Variants in NID1 observed in about 807,000 individuals in gnomAD.
The protein encoded by NID1 is nidogen 1.
A neutral mutation model predicts 130.6 loss-of-function variants in NID1; 76 were observed. The observed-to-expected ratio is 0.58, with a 90% confidence interval of 0.48 to 0.70. The LOEUF is 0.70. NID1 is among the 30% of genes least tolerant of loss of function. The probability of loss-of-function intolerance (pLI) is 0.00; values close to 1 mark genes in which losing one functional copy is unlikely to be tolerated. For missense variants in NID1, 1,517 were observed against 1,664.8 expected, an observed-to-expected ratio of 0.91 and a Z score of 1.54; for synonymous variants, 665 against 675.1, an observed-to-expected ratio of 0.98 and a Z score of 0.23.
intron 15 of NID1, among the ~76,000 whole-genome samples, chr1:235,982,450 C>T (rs987896791): frequency 2.0e-5 from 3 of 152,008 alleles, no homozygotes; most frequent in Admixed American, 6.6e-5. Context: ...CATTAGCTAT[C>T]GGGGATAAAG....
Position 236,042,181 on chromosome 1 carries a change from C to T in NID1, c.864G>A (p.Glu288=), listed in dbSNP as rs1296608118. ...CATAATCTTCATCCTCATCATCATACTCTGCCCCATCTTCAGTTCCGAGGA... is the reference window on the plus strand; with the variant it reads ...CATAATCTTCATCCTCATCATCATATTCTGCCCCATCTTCAGTTCCGAGGA... ...DVILGTEDGA[E]YDDEDEDYDL... The change falls in exon 4 of 20, where the codon GAG becomes GAA. Residue 288 remains glutamate, a synonymous_variant. Transcript: ENST00000264187. The T allele has an allele frequency of 1.9e-6, 3 of 1,614,064 alleles. No individual in the cohort carries two copies. Among genetic ancestry groups the T allele is most frequent in the East Asian group, 4.5e-5 (2 of 44,890 alleles).
intron 13 of NID1, 24 bp downstream of exon 13, chr1:235,993,621 C>T: frequency 6.7e-7 from 1 of 1,498,938 alleles, no homozygotes; most frequent in Non-Finnish European, 8.9e-7. Context: ...GGCACACGCC[C>T]AAGCACGGCC....
At chr1:235,981,529 G>A (rs140639506) in intron 16 of NID1, 82 bp downstream of exon 16, 1 of 1,433,616 alleles carries the variant, frequency 7.0e-7, no homozygotes, top group African/African-American at 1.4e-5. Context: ...ACCAATGCTG[G>A]AGTTAAAGCC....
intron 12 of NID1, among the ~76,000 whole-genome samples, chr1:235,999,332 T>G (rs1658013575): frequency 6.6e-6 from 1 of 152,190 alleles, no homozygotes; most frequent in Non-Finnish European, 1.5e-5. Context: ...AGTGGAACTT[T>G]GAAGTACTGT....
chr1:236,004,403 A>T (rs954177968), intron 12 of NID1, among the ~76,000 whole-genome samples: 1 of 152,170 alleles, frequency 6.6e-6, no homozygotes, highest in Non-Finnish European at 1.5e-5. Flanking sequence ...GCTAACAGGC[A>T]CTCTAGAAGG....
chr1:236,024,761 G>C (rs1381393691), intron 8 of NID1, among the ~76,000 whole-genome samples: 1 of 152,170 alleles, frequency 6.6e-6, no homozygotes, highest in African/African-American at 2.4e-5. Context: ...GAGGCTTAAA[G>C]ATATGGACAA....
rs139305196 is a variant in NID1, at chr1:235,993,825, C to T, written c.2575G>A (p.Ala859Thr). ...CGCTGTGGGTCTGTCGCCCCCGCTG[C>T]CCCGAGAATGTGTTCTCGCTCGTGC... ...CQHEREHILG[A>T]AGATDPQRPI... Residue 859 changes from alanine (A) to threonine (T), a missense_variant, in exon 13 of 20, where the codon GCA (alanine) becomes ACA (threonine). Physicochemically the swap from Ala to Thr is moderately conservative, Grantham distance 58. This residue lies in a region of NID1 where 1,329 missense variants were observed against 1,429.2 expected (regional missense o/e 0.93). Transcript: ENST00000264187. The T allele has an allele frequency of 2.1e-5, 34 of 1,613,998 alleles. No individual in the cohort carries two copies. The highest frequency in any genetic ancestry group is 2.9e-5 in the Non-Finnish European group (34 of 1,179,990).
At chr1:236,024,943 C>T (rs561491811) in intron 8 of NID1, among the ~76,000 whole-genome samples, 5 of 151,916 alleles carry the variant, frequency 3.3e-5, no homozygotes, top group Non-Finnish European at 5.9e-5. Flanking sequence ...GCACTAACCA[C>T]ACAATTTCTT....
At chr1:236,026,518 C>T (rs1445545321) in intron 7 of NID1, among the ~76,000 whole-genome samples, 1 of 152,092 alleles carries the variant, frequency 6.6e-6, no homozygotes, top group African/African-American at 2.4e-5. Context: ...GCTGTGTGGC[C>T]ACTGGCTGAT....
At chr1:235,997,203 TCTC>T (rs1657953169) in intron 12 of NID1, among the ~76,000 whole-genome samples, 1 of 152,146 alleles carries the variant, frequency 6.6e-6, no homozygotes, top group African/African-American at 2.4e-5. Flanking sequence ...TCAACTGACT[TCTC>T]CTGTTAAGAG....
chr1:236,007,596 T>C (rs575429883), intron 12 of NID1, among the ~76,000 whole-genome samples: 2 of 152,262 alleles, frequency 1.3e-5, no homozygotes, highest in East Asian at 3.9e-4. Context: ...TCTCTCTCTC[T>C]CCTTTGACTT....
chr1:235,995,084 T>A (rs1455773939), intron 12 of NID1, among the ~76,000 whole-genome samples: 2 of 152,232 alleles, frequency 1.3e-5, no homozygotes. Flanking sequence ...GGAAATACAG[T>A]GAACACTCCA....
intron 19 of NID1, among the ~76,000 whole-genome samples, 197 bp downstream of exon 19, chr1:235,978,798 C>A (rs571884844): frequency 7.9e-4 from 121 of 152,292 alleles, no homozygotes; most frequent in African/African-American, 2.6e-3. Flanking sequence ...TTTTCCTCAT[C>A]CTGACAACTT....
intron 1 of NID1, among the ~76,000 whole-genome samples, chr1:236,050,546 C>A (rs891961221): frequency 7.2e-6 from 1 of 139,470 alleles, no homozygotes; most frequent in African/African-American, 2.8e-5. Context: ...GAGAGAAATT[C>A]CATTTCAAAA....
intron 13 of NID1, among the ~76,000 whole-genome samples, chr1:235,992,361 C>G (rs373370573): frequency 4.6e-5 from 7 of 152,206 alleles, no homozygotes; most frequent in Non-Finnish European, 8.8e-5. Flanking sequence ...CACCTCCCCC[C>G]GCCAGGGACT....
intron 1 of NID1, among the ~76,000 whole-genome samples, chr1:236,058,656 T>G (rs1280726066): frequency 6.6e-6 from 1 of 152,192 alleles, no homozygotes; most frequent in Non-Finnish European, 1.5e-5. Context: ...AAATTTAAAA[T>G]TTATGTTAGA....
intron 2 of NID1, among the ~76,000 whole-genome samples, chr1:236,048,453 T>C (rs1251592817): frequency 6.6e-6 from 1 of 152,194 alleles, no homozygotes; most frequent in African/African-American, 2.4e-5. Flanking sequence ...ATAGCAGTCT[T>C]ACCAGGAATT....
In NID1 at chr1:235,980,624, T is replaced by A. The variant is rs754201014; in HGVS notation, c.3257A>T (p.Asp1086Val). 1.2e-6 allele frequency: 2 copies of A among 1,614,090 alleles called. No individual in the cohort carries two copies. Among genetic ancestry groups the A allele is most frequent in the South Asian group, 2.2e-5 (2 of 91,074 alleles). Residue 1086 changes from aspartate to valine, a missense_variant, in exon 17 of 20, where the codon GAT (aspartate) becomes GTT (valine). This residue lies in a region of NID1 where 181 missense variants were observed against 211.3 expected (regional missense o/e 0.86). Coordinates refer to ENST00000264187, the MANE Select transcript of NID1 (RefSeq NM_002508.3). ...GNLYWTDWNR[D>V]NPKIETSYMD... ...GTAGGAAGTTTCAATCTTGGGGTTA[T>A]CTCTGTTCCAGTCTGTCCAGTAAAG...
rs554176272 is a variant in NID1 at position 236,056,767 on chromosome 1, T to C, written c.226-7778A>G. Among the ~76,000 whole-genome samples the C allele has an allele frequency of 1.2e-3, 186 of 152,262 alleles. 1 individual carries two copies. The highest frequency in any genetic ancestry group is 4.4e-3 in the African/African-American group (181 of 41,536). ...CCTCCCAGGGACACAGGAGTGTTAGTTGCACTGGGCACATTAGACCACATT... is the reference window on the plus strand; with the variant it reads ...CCTCCCAGGGACACAGGAGTGTTAGCTGCACTGGGCACATTAGACCACATT... On this transcript the variant is annotated intron_variant, in intron 1 of 19. Coordinates refer to ENST00000264187, the MANE Select transcript of NID1 (RefSeq NM_002508.3).
Sources: gnomAD v4.1 joint callset for allele counts (sites outside exome capture counted in the v4.1 genomes callset) on GRCh38, gnomAD v4.1.1 for gene constraint, gnomAD v4.1.1 regional missense constraint, MANE v1.5 for transcripts, NCBI Gene and HGNC (gene_info 2026-07-23, HGNC 2026-07-21) for gene names.